Variants in LRRFIP1 observed in about 807,000 individuals in gnomAD.
LRRFIP1 encodes LRR binding FLII interacting protein 1.
A neutral mutation model predicts 104.4 loss-of-function variants in LRRFIP1; 62 were observed. The ratio of observed to expected loss-of-function variants is 0.59; its 90% CI spans 0.48 to 0.73. The LOEUF is 0.73. Ranked by LOEUF, LRRFIP1 falls within the 30% of genes least tolerant of loss-of-function variation. The pLI is 0.00. For synonymous variants in LRRFIP1, 300 were observed against 299.0 expected, an observed-to-expected ratio of 1.00 and a Z score of -0.03; for missense variants, 796 against 824.5, an observed-to-expected ratio of 0.97 and a Z score of 0.42.
At chr2:237,776,790 G>A (rs754019538) in intron 23 of LRRFIP1, among the ~76,000 whole-genome samples, 10 of 152,038 alleles carry the variant, frequency 6.6e-5, no homozygotes, top group Non-Finnish European at 1.0e-4. Flanking sequence ...GTTGTTATGC[G>A]TTAGATGATC....
intron 1 of LRRFIP1, among the ~76,000 whole-genome samples, chr2:237,667,020 T>G (rs569238320): frequency 6.6e-6 from 1 of 152,160 alleles, no homozygotes; most frequent in East Asian, 1.9e-4. Context: ...TCTAGTTGTT[T>G]TTTTTTTCAC....
In LRRFIP1 at chr2:237,692,440, G is replaced by A. The variant is rs1260881710; in HGVS notation, c.97-16104G>A. The A allele has an allele frequency of 3.3e-6, 5 of 1,513,316 alleles. No individual in the cohort carries two copies. In the African/African-American group the frequency reaches 4.3e-5, roughly 13 times the overall value. 93.7% of individuals were successfully genotyped at this position (1,513,316 alleles called of 1,614,324 possible). A position where few individuals can be genotyped will look rare whatever the true frequency, so the allele number is the denominator to read the frequency against. On this transcript the variant is annotated intron_variant, in intron 1 of 23. Transcript: ENST00000308482. ...CGAGCATTTCCCGCCGGGTGGAGCG[G>A]GCCGAGCCCGGCAGGATGACCAGCC...
At chr2:237,646,635 A>G (rs1471240448) in intron 1 of LRRFIP1, among the ~76,000 whole-genome samples, 2 of 151,962 alleles carry the variant, frequency 1.3e-5, no homozygotes, top group Admixed American at 1.3e-4. Flanking sequence ...AAATGAGGTC[A>G]TAAGGGTGGG....
At chr2:237,731,888 G>A (rs1425653186) in intron 8 of LRRFIP1, among the ~76,000 whole-genome samples, 1 of 152,066 alleles carries the variant, frequency 6.6e-6, no homozygotes, top group African/African-American at 2.4e-5. Flanking sequence ...CTGCCCGAGG[G>A]CTCTTGTACT....
chr2:237,727,996 C>A (rs1225004914), intron 8 of LRRFIP1, 61 bp downstream of exon 8: 8 of 1,188,888 alleles, frequency 6.7e-6, no homozygotes, highest in Non-Finnish European at 8.4e-6. Flanking sequence ...GCTTCTAGAA[C>A]TAAAAACTAA....
intron 12 of LRRFIP1, among the ~76,000 whole-genome samples, chr2:237,748,912 A>G (rs1276048820): frequency 6.6e-6 from 1 of 152,214 alleles, no homozygotes; most frequent in African/African-American, 2.4e-5. Context: ...GGGAGACCTC[A>G]GGAAACTTAC....
chr2:237,706,791 C>A (rs548042746), intron 1 of LRRFIP1, among the ~76,000 whole-genome samples: 17 of 152,136 alleles, frequency 1.1e-4, no homozygotes, highest in Admixed American at 2.0e-4. Context: ...CCACACCTGG[C>A]TAGTTTTTGT....
chr2:237,750,241 C>T (rs1433151353), intron 13 of LRRFIP1, among the ~76,000 whole-genome samples: 1 of 151,778 alleles, frequency 6.6e-6, no homozygotes, highest in Non-Finnish European at 1.5e-5. Context: ...ACCAGAAGAG[C>T]CATTTCCCAT....
chr2:237,688,403 A>C (rs187368206), intron 1 of LRRFIP1, among the ~76,000 whole-genome samples: 272 of 147,712 alleles, frequency 1.8e-3, no homozygotes, highest in Admixed American at 3.4e-3. Flanking sequence ...TTTAGTTAAG[A>C]CCCTGGGCCC....
intron 1 of LRRFIP1, chr2:237,692,076 GCGGTGGGGCGAGTCATGGGGCGGGGA>G (rs1261104181): frequency 8.6e-5 from 45 of 524,658 alleles, no homozygotes; most frequent in Admixed American, 1.4e-4. Context: ...TGGGGCGGGG[GCGGTGGGGCGAGTCATGGGGCGGGGA>G]CGGGGCGGGG....
chr2:237,777,166 T>C (rs2150945237), intron 23 of LRRFIP1, among the ~76,000 whole-genome samples: 1 of 152,354 alleles, frequency 6.6e-6, no homozygotes, highest in Non-Finnish European at 1.5e-5. Flanking sequence ...TGTATATGTA[T>C]ATGTACACAT....
intron 6 of LRRFIP1, chr2:237,721,439 T>C (rs901414751): frequency 1.3e-5 from 2 of 152,240 alleles, no homozygotes; most frequent in African/African-American, 4.8e-5. Context: ...ATAATTATAC[T>C]TGAAAAAAGT....
intron 16 of LRRFIP1, 87 bp from the exon 17 acceptor site, chr2:237,757,369 C>A: frequency 2.5e-6 from 2 of 804,780 alleles, no homozygotes; most frequent in South Asian, 1.6e-5. Flanking sequence ...GCCTCACTCA[C>A]TGTCCCAGCT....
At chr2:237,724,952 A>G (rs1231666361) in intron 7 of LRRFIP1, among the ~76,000 whole-genome samples, 2 of 152,168 alleles carry the variant, frequency 1.3e-5, no homozygotes, top group Admixed American at 1.3e-4. Flanking sequence ...CATGTAGAAA[A>G]GACATCTAAC....
chr2:237,699,125 C>A (rs1559581271), intron 1 of LRRFIP1, among the ~76,000 whole-genome samples: 2 of 152,182 alleles, frequency 1.3e-5, no homozygotes, highest in Non-Finnish European at 2.9e-5. Context: ...CACACACCAC[C>A]CCTCATGTTG....
intron 2 of LRRFIP1, among the ~76,000 whole-genome samples, 159 bp from the exon 3 acceptor site, chr2:237,714,100 C>G (rs771034967): frequency 7.9e-5 from 12 of 152,214 alleles, no homozygotes; most frequent in Non-Finnish European, 1.6e-4. Flanking sequence ...AAATTACAAA[C>G]TCTTGTCAGT....
At chr2:237,731,678 T>A (rs987317941) in intron 8 of LRRFIP1, among the ~76,000 whole-genome samples, 2 of 152,362 alleles carry the variant, frequency 1.3e-5, no homozygotes, top group African/African-American at 4.8e-5. Context: ...CTGAGTTACT[T>A]GCTCTAAAAT....
chr2:237,728,777 A>C (rs1162840334), intron 8 of LRRFIP1, among the ~76,000 whole-genome samples: 1 of 151,844 alleles, frequency 6.6e-6, no homozygotes, highest in African/African-American at 2.4e-5. Flanking sequence ...TGTATGCTTA[A>C]ATTATACTTT....
intron 1 of LRRFIP1, among the ~76,000 whole-genome samples, chr2:237,670,029 T>C (rs1052058552): frequency 6.6e-6 from 1 of 152,236 alleles, no homozygotes; most frequent in African/African-American, 2.4e-5. Flanking sequence ...AGTTTTCCTG[T>C]GTTCTTGGGC....
Sources: allele counts gnomAD v4.1 joint callset (sites outside exome capture counted in the v4.1 genomes callset), GRCh38; gene constraint gnomAD v4.1.1; transcripts MANE v1.5; gene names NCBI Gene and HGNC (gene_info 2026-07-23, HGNC 2026-07-21).